Variants in SAV1 observed in about 807,000 individuals in gnomAD.
The protein encoded by SAV1 is salvador family WW domain containing protein 1.
SAV1 carries 23 observed loss-of-function variants against 47.3 expected under a neutral mutation model. That is an observed-to-expected ratio of 0.49 (90% confidence interval 0.35 to 0.69). The LOEUF is 0.69. Ranked by LOEUF, SAV1 falls within the 30% of genes least tolerant of loss-of-function variation. The pLI is 0.01. For missense variants in SAV1, 448 were observed against 457.4 expected (o/e 0.98, Z 0.19); for synonymous variants, 155 against 159.2 (o/e 0.97, Z 0.20).
chr14:50,665,752 GT>G, intron 1 of SAV1, 133 bp from the exon 2 acceptor site: 1 of 744,856 alleles, frequency 1.3e-6, no homozygotes, highest in Non-Finnish European at 2.2e-6. Context: ...TTAAATTTTG[GT>G]TTAGGATGGT....
Position 50,667,975 on chromosome 14 carries a change from G to C in SAV1, c.-8C>G, listed in dbSNP as rs1295517621. ...TTTCTTTCGGGACAGCATCCTTCTCGACGAGGCCCGAGGCCGCGCTGAACT... is the reference window on the plus strand; with the variant it reads ...TTTCTTTCGGGACAGCATCCTTCTCCACGAGGCCCGAGGCCGCGCTGAACT... On this transcript the variant is annotated 5_prime_UTR_variant, in exon 1 of 5. Transcript: ENST00000324679. 1 of 1,607,252 alleles carries C rather than the reference G, an allele frequency of 6.2e-7. No homozygotes were observed. Among genetic ancestry groups the C allele is most frequent in the Non-Finnish European group, 8.5e-7 (1 of 1,177,466 alleles).
chr14:50,652,073 T>C (rs778919563), intron 2 of SAV1, among the ~76,000 whole-genome samples: 4 of 152,108 alleles, frequency 2.6e-5, no homozygotes, highest in Admixed American at 6.5e-5. Context: ...ATAAAGCAAA[T>C]GAATAGTTAC....
chr14:50,648,924 T>C (rs1046228904), intron 2 of SAV1, among the ~76,000 whole-genome samples: 5 of 152,226 alleles, frequency 3.3e-5, no homozygotes, highest in African/African-American at 1.2e-4. Flanking sequence ...TGGTACAAGT[T>C]ATCTTTACTG....
Position 50,645,100 on chromosome 14 carries a change from A to C in SAV1, c.536-86T>G, listed in dbSNP as rs1226786038. The C allele has an allele frequency of 5.2e-6, 6 of 1,155,012 alleles. No individual in the cohort carries two copies. In the Admixed American group the frequency reaches 1.4e-4, roughly 27 times the overall value. 71.5% of individuals were successfully genotyped at this position (1,155,012 alleles called of 1,614,324 possible). A position where few individuals can be genotyped will look rare whatever the true frequency, so the allele number is the denominator to read the frequency against. On this transcript the variant is annotated intron_variant, in intron 2 of 4. Coordinates refer to ENST00000324679, the MANE Select transcript of SAV1 (RefSeq NM_021818.4). The stretch of plus-strand genomic sequence containing the variant: ...GCCAGCTAGCAAAGTCACAACATTA[A>C]CTATCCTGATTGTACTCTTCTATTT...
chr14:50,647,593 A>G (rs151063194), intron 2 of SAV1, among the ~76,000 whole-genome samples: 4 of 152,306 alleles, frequency 2.6e-5, no homozygotes, highest in Non-Finnish European at 2.9e-5. Context: ...AGAAGAAAAC[A>G]AAACGACCCA....
At chr14:50,643,414 G>A (rs903540468) in intron 3 of SAV1, among the ~76,000 whole-genome samples, 4 of 152,146 alleles carry the variant, frequency 2.6e-5, no homozygotes, top group African/African-American at 9.7e-5. Flanking sequence ...GGTGGCAGGA[G>A]AGAGAAAGAA....
At chr14:50,653,936 TA>T (rs1316642298) in intron 2 of SAV1, among the ~76,000 whole-genome samples, 1 of 152,100 alleles carries the variant, frequency 6.6e-6, no homozygotes, top group Non-Finnish European at 1.5e-5. Flanking sequence ...ATTATATCTT[TA>T]AAAAAAGTAC....
At chr14:50,637,662 CAG>C (rs1491018258) in intron 4 of SAV1, 11 of 105,552 alleles carry the variant, frequency 1.0e-4, no homozygotes, top group South Asian at 6.4e-4. Flanking sequence ...ACAATTTTGT[CAG>C]TTTTTTTTTT....
At chr14:50,655,915 T>C (rs8018308) in intron 2 of SAV1, among the ~76,000 whole-genome samples, 86,481 of 151,738 alleles carry the variant, frequency 0.57, 24,899 homozygotes, top group East Asian at 0.74. Flanking sequence ...CATGGTGGCA[T>C]ATGCCTGTAA....
rs2039608357 is a variant in SAV1, at chr14:50,633,866, ATAGTT to A, written c.*1312_*1316del. On this transcript the variant is annotated 3_prime_UTR_variant, in exon 5 of 5. Transcript: ENST00000324679. ...CACAGAATTCTAGAGATTTATAGTT[ATAGTT>A]TAGAAGTATCACCAATTTGTTTGCA... The A allele has an allele frequency of 6.3e-6, 1 of 157,900 alleles. No individual in the cohort carries two copies. 9.8% of individuals were successfully genotyped at this position (157,900 alleles called of 1,614,324 possible).
intron 2 of SAV1, among the ~76,000 whole-genome samples, chr14:50,651,375 A>AG (rs1297312440): frequency 6.6e-6 from 1 of 152,128 alleles, no homozygotes; most frequent in Non-Finnish European, 1.5e-5. Context: ...GGGTATTTAC[A>AG]GGGGGAGGAA....
chr14:50,665,321 G>A lies in SAV1; in HGVS notation c.393C>T (p.Ser131=), dbSNP rs750241448. Residue 131 remains serine, a synonymous_variant, in exon 2 of 5, where the codon TCC becomes TCT. Coordinates refer to ENST00000324679, the MANE Select transcript of SAV1 (RefSeq NM_021818.4). ...SFAVENGDSG[S]RYYYSDNFFD... ...AAAAATTGTCTGAATAATAATATCG[G>A]GAACCAGAGTCTCCATTTTCAACAG... The A allele has an allele frequency of 1.2e-6, 2 of 1,613,584 alleles. No individual in the cohort carries two copies. Among genetic ancestry groups the A allele is most frequent in the South Asian group, 1.1e-5 (1 of 91,052 alleles).
chr14:50,657,225 G>C lies in SAV1; in HGVS notation c.535+7954C>G, dbSNP rs549928286. ...AATTTTTGTATTTTTAGTAGAGACG[G>C]GGTTTCACCATGTTGGTCAGGCTGG... is the stretch of plus-strand genomic sequence containing the variant. On this transcript the variant is annotated intron_variant, in intron 2 of 4. Transcript: ENST00000324679. 1.6e-4 allele frequency among the ~76,000 whole-genome samples: 24 copies of C among 152,090 alleles called. No individual in the cohort carries two copies. In the South Asian group the frequency reaches 4.8e-3, roughly 30 times the overall value.
chr14:50,635,498 A>G (rs989183810), intron 4 of SAV1, 114 bp from the exon 5 acceptor site: 20 of 836,856 alleles, frequency 2.4e-5, no homozygotes, highest in East Asian at 5.4e-5. Context: ...TAAACAAACC[A>G]TAAGTTTTAA....
chr14:50,640,893 A>G lies in SAV1; in HGVS notation c.807T>C (p.Ser269=), dbSNP rs1460764973. The G allele has an allele frequency of 1.9e-6, 3 of 1,601,524 alleles. No homozygotes were observed. Among genetic ancestry groups the G allele is most frequent in the Non-Finnish European group, 2.6e-6 (3 of 1,173,940 alleles). ...KAQYRHPCAP[S]VPRYDQPPPV... ...GAGGTGGTTGATCATACCGAGGTAC[A>G]CTAAGAAGAAAGGAGTGACATTCTT... Residue 269 remains serine, a splice_region_variant and synonymous_variant, in exon 4 of 5, where the codon AGT becomes AGC. Transcript: ENST00000324679.
At chr14:50,653,572 C>A (rs904994474) in intron 2 of SAV1, among the ~76,000 whole-genome samples, 6 of 152,020 alleles carry the variant, frequency 3.9e-5, no homozygotes, top group Admixed American at 1.3e-4. Context: ...CCCAGTGAAC[C>A]TTAAAGTTAT....
chr14:50,644,210 G>GC lies in SAV1; in HGVS notation c.806+533dup, dbSNP rs1257967351. 2.0e-5 allele frequency among the ~76,000 whole-genome samples: 3 copies of GC among 152,292 alleles called. No individual in the cohort carries two copies. In the East Asian group the frequency reaches 5.8e-4, roughly 29 times the overall value. On this transcript the variant is annotated intron_variant, in intron 3 of 4. Coordinates refer to ENST00000324679, the MANE Select transcript of SAV1 (RefSeq NM_021818.4). ...TCTGGCAACAAAGCAGATCTACCCA[G>GC]CCCAGTATCAATCAAAACAGCACAA...
chr14:50,658,741 T>TA (rs2039833846), intron 2 of SAV1, among the ~76,000 whole-genome samples: 1 of 152,196 alleles, frequency 6.6e-6, no homozygotes, highest in Admixed American at 6.5e-5. Context: ...CCTACAAACT[T>TA]ACTTTCTCCT....
At chr14:50,658,958 A>C (rs2039835577) in intron 2 of SAV1, among the ~76,000 whole-genome samples, 2 of 152,312 alleles carry the variant, frequency 1.3e-5, no homozygotes, top group South Asian at 4.1e-4. Flanking sequence ...CCTTCAAAAA[A>C]AGTACTACTT....
Sources: allele counts gnomAD v4.1 joint callset (sites outside exome capture counted in the v4.1 genomes callset), GRCh38; gene constraint gnomAD v4.1.1; transcripts MANE v1.5; gene names NCBI Gene and HGNC (gene_info 2026-07-23, HGNC 2026-07-21).